GRIK4: variants seen among roughly 807,000 people sequenced by gnomAD.
The protein encoded by GRIK4 is glutamate ionotropic receptor kainate type subunit 4, also known as glutamate receptor ionotropic, kainate 4.
GRIK4 carries 40 observed loss-of-function variants against 104.9 expected under a neutral mutation model. The observed-to-expected ratio is 0.38, with a 90% CI of 0.30 to 0.50. GRIK4 has a LOEUF of 0.50. Among genes scored for constraint, GRIK4 ranks in the 20% least tolerant of loss-of-function variants. The pLI, the probability that GRIK4 is intolerant of heterozygous loss-of-function variation, is 0.93. For missense variants in GRIK4, 1,047 were observed against 1,308.1 expected (o/e 0.80, Z 3.08); for synonymous variants, 485 against 524.9 (o/e 0.92, Z 1.04).
intron 1 of GRIK4, among the ~76,000 whole-genome samples, chr11:120,635,747 G>A (rs1949389360): frequency 2.0e-5 from 3 of 152,160 alleles, no homozygotes; most frequent in Admixed American, 2.0e-4. Flanking sequence ...ATGCCCTGTG[G>A]TTGCCAGCTT....
intron 1 of GRIK4, among the ~76,000 whole-genome samples, chr11:120,528,772 G>A (rs1947891182): frequency 6.6e-6 from 1 of 152,138 alleles, no homozygotes; most frequent in Admixed American, 6.5e-5. Context: ...AGACCCATGA[G>A]ATCTCTCATG....
intron 3 of GRIK4, among the ~76,000 whole-genome samples, chr11:120,666,087 A>AGG (rs1364880714): frequency 2.0e-5 from 3 of 152,216 alleles, no homozygotes; most frequent in African/African-American, 7.2e-5. Context: ...GAATTGGTGA[A>AGG]TGCCCTTTTG....
At chr11:120,948,979 T>C (rs545763607) in intron 14 of GRIK4, among the ~76,000 whole-genome samples, 1 of 152,314 alleles carries the variant, frequency 6.6e-6, no homozygotes, top group South Asian at 2.1e-4. Context: ...CAGAATTCAA[T>C]CTTGGGCAGT....
intron 4 of GRIK4, among the ~76,000 whole-genome samples, chr11:120,812,728 G>A (rs1475725362): frequency 6.6e-6 from 1 of 152,208 alleles, no homozygotes; most frequent in Non-Finnish European, 1.5e-5. Flanking sequence ...AACTGAGTGT[G>A]AGATGCCAGA....
At chr11:120,922,732 C>T (rs1943251255) in intron 13 of GRIK4, among the ~76,000 whole-genome samples, 1 of 152,190 alleles carries the variant, frequency 6.6e-6, no homozygotes, top group Admixed American at 6.5e-5. Context: ...CTTAGTTGTG[C>T]CGATGGCGGT....
At chr11:120,685,050 C>T (rs964312987) in intron 3 of GRIK4, among the ~76,000 whole-genome samples, 1 of 152,192 alleles carries the variant, frequency 6.6e-6, no homozygotes, top group Non-Finnish European at 1.5e-5. Context: ...AAGGGAACCT[C>T]TGAGTCAGTA....
At chr11:120,723,664 A>G (rs1035427517) in intron 3 of GRIK4, among the ~76,000 whole-genome samples, 6 of 152,170 alleles carry the variant, frequency 3.9e-5, no homozygotes, top group African/African-American at 1.4e-4. Context: ...AGTTTCTCAC[A>G]TACCATGTTT....
chr11:120,627,424 C>T (rs1327351108), intron 1 of GRIK4, among the ~76,000 whole-genome samples: 2 of 152,238 alleles, frequency 1.3e-5, no homozygotes, highest in African/African-American at 4.8e-5. Flanking sequence ...TGAATGTGGG[C>T]ACTTCCCCTC....
chr11:120,885,291 T>A (rs1955085682), intron 11 of GRIK4, among the ~76,000 whole-genome samples: 1 of 152,232 alleles, frequency 6.6e-6, no homozygotes, highest in African/African-American at 2.4e-5. Flanking sequence ...AAGGCCAATT[T>A]GATCATCCCC....
At chr11:120,858,940 A>G (rs938638899) in intron 8 of GRIK4, 1 of 152,208 alleles carries the variant, frequency 6.6e-6, no homozygotes, top group Admixed American at 6.5e-5. Flanking sequence ...TCCACAGGCT[A>G]TCCCATGAGT....
At chr11:120,927,565 C>CAA (rs56223442) in intron 13 of GRIK4, among the ~76,000 whole-genome samples, 49 of 101,506 alleles carry the variant, frequency 4.8e-4, no homozygotes, top group African/African-American at 7.8e-4. Context: ...GACTCTGTCT[C>CAA]AAAAAAAAAA....
At chr11:120,619,473 A>G (rs777227099) in intron 1 of GRIK4, among the ~76,000 whole-genome samples, 18 of 152,176 alleles carry the variant, frequency 1.2e-4, no homozygotes, top group African/African-American at 4.1e-4. Context: ...ATATTTTCCA[A>G]TGTAAGAAGG....
At chr11:120,954,782 TACACACACACACAC>T (rs768646075) in intron 15 of GRIK4, among the ~76,000 whole-genome samples, 2 of 107,990 alleles carry the variant, frequency 1.9e-5, no homozygotes, top group African/African-American at 3.5e-5. Flanking sequence ...TCTCTCTCAC[TACACACACACACAC>T]ACACACACAC....
intron 11 of GRIK4, among the ~76,000 whole-genome samples, chr11:120,883,856 C>G (rs1955039892): frequency 6.6e-6 from 1 of 152,228 alleles, no homozygotes; most frequent in Non-Finnish European, 1.5e-5. Context: ...CCCAGTGACT[C>G]TTTTCCGTGC....
rs1038526908 is a variant in GRIK4, at chr11:120,875,717, C to A, written c.1164+474C>A. Among the ~76,000 whole-genome samples the A allele has an allele frequency of 2.0e-5, 3 of 152,282 alleles. No homozygotes were observed. The East Asian group carries it at 5.8e-4, about 29-fold the overall frequency. The stretch of plus-strand genomic sequence containing the variant: ...CCCATGCCAATGACACAGCTCCTCT[C>A]CTGGCCGCTCCCTGCCTGCTCCATC... On this transcript the variant is annotated intron_variant, in intron 11 of 20. Coordinates refer to ENST00000527524, the MANE Select transcript of GRIK4 (RefSeq NM_014619.5).
chr11:120,835,507 G>A (rs1953550999), intron 7 of GRIK4, among the ~76,000 whole-genome samples: 1 of 149,782 alleles, frequency 6.7e-6, no homozygotes, highest in Non-Finnish European at 1.5e-5. Flanking sequence ...CAGCCTGGGT[G>A]ACAGAGTGAG....
At chr11:120,797,789 A>G (rs1192132863) in intron 3 of GRIK4, among the ~76,000 whole-genome samples, 2 of 152,206 alleles carry the variant, frequency 1.3e-5, no homozygotes, top group Non-Finnish European at 2.9e-5. Context: ...TCTGCATTAG[A>G]TGCTGTGGGC....
chr11:120,891,156 G>A (rs1216136002), intron 11 of GRIK4, among the ~76,000 whole-genome samples: 1 of 152,192 alleles, frequency 6.6e-6, no homozygotes, highest in Non-Finnish European at 1.5e-5. Flanking sequence ...TCAGCGGCAG[G>A]GCGTGCAAGT....
rs528115172 is a variant in GRIK4, at chr11:120,937,251, C to A, written c.1477-3096C>A. On this transcript the variant is annotated intron_variant, in intron 13 of 20. Coordinates refer to ENST00000527524, the MANE Select transcript of GRIK4 (RefSeq NM_014619.5). ...ACAGAGTTTCACCGTGTTGGCCAGG[C>A]TGATCTCGAACTCCTGACCTCAGGT... is the stretch of plus-strand genomic sequence containing the variant. Among the ~76,000 whole-genome samples, 3 of 152,218 alleles carry A rather than the reference C, an allele frequency of 2.0e-5. No homozygotes were observed. In the South Asian group the frequency reaches 6.2e-4, roughly 32 times the overall value.
Sources: allele counts gnomAD v4.1 joint callset (sites outside exome capture counted in the v4.1 genomes callset), GRCh38; gene constraint gnomAD v4.1.1; transcripts MANE v1.5; gene names NCBI Gene and HGNC (gene_info 2026-07-23, HGNC 2026-07-21).